Variants in ZFPM2 observed in about 807,000 individuals in gnomAD.
The protein encoded by ZFPM2 is zinc finger protein, FOG family member 2, also known as zinc finger protein ZFPM2.
Under a neutral mutation model 98.6 loss-of-function variants are expected in ZFPM2, and 20 were observed. That is an observed-to-expected ratio of 0.20 (90% CI 0.14 to 0.29). The LOEUF is 0.29. Ranked by LOEUF, ZFPM2 falls within the 10% of genes least tolerant of loss-of-function variation. The pLI, the probability that ZFPM2 is intolerant of heterozygous loss-of-function variation, is 1.00. For synonymous variants in ZFPM2, 518 were observed against 502.7 expected (o/e 1.03, Z -0.41); for missense variants, 1,310 against 1,388.6 (o/e 0.94, Z 0.90).
intron 3 of ZFPM2, among the ~76,000 whole-genome samples, chr8:105,450,353 C>T (rs543211109): frequency 6.6e-6 from 1 of 152,130 alleles, no homozygotes; most frequent in African/African-American, 2.4e-5. Context: ...ATTTCGTTTC[C>T]TTTTTGATTG....
At chr8:105,476,346 C>A (rs1369413483) in intron 3 of ZFPM2, among the ~76,000 whole-genome samples, 1 of 152,180 alleles carries the variant, frequency 6.6e-6, no homozygotes, top group African/African-American at 2.4e-5. Flanking sequence ...GCATTAGATT[C>A]TCATGGGAGC....
intron 5 of ZFPM2, among the ~76,000 whole-genome samples, chr8:105,655,222 T>A (rs928229130): frequency 7.0e-6 from 1 of 143,866 alleles, no homozygotes; most frequent in Non-Finnish European, 1.5e-5. Context: ...TTGCATTGAG[T>A]CTTTTTTTTT....
chr8:105,496,304 G>A (rs1262613201), intron 3 of ZFPM2, among the ~76,000 whole-genome samples: 1 of 152,010 alleles, frequency 6.6e-6, no homozygotes. Context: ...GAACCACCAC[G>A]CCCAGCCAGC....
At chr8:105,759,596 G>GTGTA (rs1812691966) in intron 5 of ZFPM2, among the ~76,000 whole-genome samples, 1 of 151,706 alleles carries the variant, frequency 6.6e-6, no homozygotes, top group South Asian at 2.1e-4. Flanking sequence ...GTGTGTGTGT[G>GTGTA]TGTGTGTGTG....
chr8:105,656,487 A>G (rs1039264514), intron 5 of ZFPM2, among the ~76,000 whole-genome samples: 62 of 152,228 alleles, frequency 4.1e-4, no homozygotes, highest in African/African-American at 1.5e-3. Flanking sequence ...CCCCCCACCA[A>G]CCACATCAGT....
In ZFPM2 at chr8:105,524,204, G is replaced by A. The variant is rs558135762; in HGVS notation, c.302-37159G>A. On this transcript the variant is annotated intron_variant, in intron 3 of 7. Transcript: ENST00000407775. ...GAAAGTCTACTAAAGTAGATTAAAT[G>A]CTATACAAAAGTATAATCTTTTCTG... is the stretch of plus-strand genomic sequence containing the variant. 5.9e-5 allele frequency among the ~76,000 whole-genome samples: 9 copies of A among 152,244 alleles called. No homozygotes were observed. In the South Asian group the frequency reaches 1.9e-3, roughly 32 times the overall value.
chr8:105,630,535 TG>T (rs1355443720), intron 4 of ZFPM2, among the ~76,000 whole-genome samples: 1 of 152,218 alleles, frequency 6.6e-6, no homozygotes, highest in African/African-American at 2.4e-5. Context: ...TCTGCCTTAT[TG>T]ATTTGGACTA....
intron 3 of ZFPM2, among the ~76,000 whole-genome samples, chr8:105,501,922 T>C (rs1813604380): frequency 6.6e-6 from 1 of 152,200 alleles, no homozygotes; most frequent in Non-Finnish European, 1.5e-5. Flanking sequence ...AATGTTTTAA[T>C]TCAACAGAAC....
intron 3 of ZFPM2, among the ~76,000 whole-genome samples, chr8:105,532,671 G>A (rs1375137983): frequency 6.6e-6 from 1 of 152,126 alleles, no homozygotes; most frequent in East Asian, 1.9e-4. Context: ...ATGCAACAAC[G>A]TTGACAAATT....
intron 1 of ZFPM2, among the ~76,000 whole-genome samples, chr8:105,356,349 C>T (rs1256694343): frequency 6.6e-6 from 1 of 152,188 alleles, no homozygotes; most frequent in Non-Finnish European, 1.5e-5. Flanking sequence ...TGGCACCTAA[C>T]ACATTGGCTT....
At chr8:105,685,768 G>C (rs910625415) in intron 5 of ZFPM2, 1 of 152,006 alleles carries the variant, frequency 6.6e-6, no homozygotes, top group African/African-American at 2.4e-5. Context: ...GGATTGCCAA[G>C]AACTTGATTT....
chr8:105,799,406 A>ATGTT (rs1250000873), intron 7 of ZFPM2, among the ~76,000 whole-genome samples: 1 of 152,228 alleles, frequency 6.6e-6, no homozygotes, highest in Non-Finnish European at 1.5e-5. Context: ...CAGTTCAGGG[A>ATGTT]TGTTTACTTT....
At chr8:105,749,542 G>T (rs1406228547) in intron 5 of ZFPM2, among the ~76,000 whole-genome samples, 1 of 151,990 alleles carries the variant, frequency 6.6e-6, no homozygotes, top group Non-Finnish European at 1.5e-5. Context: ...CACTTTCATG[G>T]TATATCCTGG....
chr8:105,509,880 G>A (rs745835389), intron 3 of ZFPM2, among the ~76,000 whole-genome samples: 1 of 152,132 alleles, frequency 6.6e-6, no homozygotes, highest in East Asian at 1.9e-4. Context: ...GATAAAACAC[G>A]AGGATTTATT....
chr8:105,408,283 A>C (rs1031593689), intron 1 of ZFPM2, among the ~76,000 whole-genome samples: 11 of 151,866 alleles, frequency 7.2e-5, no homozygotes, highest in Admixed American at 2.6e-4. Context: ...ATAAAGTAAA[A>C]GTCTTTTTGA....
In ZFPM2 at chr8:105,803,275, C is replaced by A; in HGVS notation, c.3193C>A (p.Gln1065Lys). The A allele has an allele frequency of 6.3e-7, 1 of 1,596,726 alleles. No individual in the cohort carries two copies. The highest frequency in any genetic ancestry group is 8.5e-7 in the Non-Finnish European group (1 of 1,170,884). The change falls in exon 8 of 8, where the codon CAG (glutamine) becomes AAG (lysine). Residue 1065 changes from glutamine (Q) to lysine (K), a missense_variant. Gln to Lys is a moderately conservative substitution (Grantham distance 53, BLOSUM62 1). Coordinates refer to ENST00000407775, the MANE Select transcript of ZFPM2 (RefSeq NM_012082.4). ...CAACCCACAGCAAGAGAACATTTCC[C>A]AGAATCCTCAGCACGAAGACGACCA... is the stretch of plus-strand genomic sequence containing the variant. ...AANPQQENIS[Q>K]NPQHEDDHKS...
chr8:105,463,149 G>T (rs1217785940), intron 3 of ZFPM2, among the ~76,000 whole-genome samples: 1 of 152,006 alleles, frequency 6.6e-6, no homozygotes, highest in East Asian at 1.9e-4. Context: ...TGCTTAAAAT[G>T]GACTGAAAAT....
At chr8:105,506,738 A>G (rs1193184367) in intron 3 of ZFPM2, among the ~76,000 whole-genome samples, 2 of 152,218 alleles carry the variant, frequency 1.3e-5, no homozygotes, top group Non-Finnish European at 2.9e-5. Context: ...TACCTTGCCC[A>G]GCAATTTGGG....
At chr8:105,594,050 G>C (rs1177416315) in intron 4 of ZFPM2, among the ~76,000 whole-genome samples, 6 of 152,100 alleles carry the variant, frequency 3.9e-5, no homozygotes, top group Non-Finnish European at 7.4e-5. Flanking sequence ...TTCTCCAGGG[G>C]TTCCAGGGTT....
Sources: gnomAD v4.1 joint callset for allele counts (sites outside exome capture counted in the v4.1 genomes callset) on GRCh38, gnomAD v4.1.1 for gene constraint, MANE v1.5 for transcripts, NCBI Gene and HGNC (gene_info 2026-07-23, HGNC 2026-07-21) for gene names.